ZBTB20: variants seen among roughly 807,000 people sequenced by gnomAD.
The protein encoded by ZBTB20 is zinc finger and BTB domain containing 20.
In ZBTB20, 9 loss-of-function variants were observed where a neutral mutation model predicts 56.9. The observed-to-expected ratio is 0.16, with a 90% CI of 0.10 to 0.28. ZBTB20 has a LOEUF of 0.28. Ranked by LOEUF, ZBTB20 falls within the 10% of genes least tolerant of loss-of-function variation. The pLI, the probability that ZBTB20 is intolerant of heterozygous loss-of-function variation, is 1.00. For synonymous variants in ZBTB20, 417 were observed against 420.7 expected, an observed-to-expected ratio of 0.99 and a Z score of 0.11; for missense variants, 655 against 1,003.0, an observed-to-expected ratio of 0.65 and a Z score of 4.69.
Position 114,930,091 on chromosome 3 carries a change from T to C in ZBTB20, c.-455-29749A>G, listed in dbSNP as rs140924328. Among the ~76,000 whole-genome samples, 1,142 of 152,196 alleles carry C rather than the reference T, an allele frequency of 7.5e-3. 12 individuals carry two copies. Among genetic ancestry groups the C allele is most frequent in the African/African-American group, 0.025 (1,035 of 41,518 alleles). On this transcript the variant is annotated intron_variant, in intron 3 of 11. Coordinates refer to ENST00000675478, the MANE Select transcript of ZBTB20 (RefSeq NM_001348800.3). ...AAGCACAAATAAATCCTGCCTTCCA[T>C]TTAAACAAACAAACAAACAAACAAC...
At chr3:114,785,689 TG>T (rs1271125215) in intron 5 of ZBTB20, among the ~76,000 whole-genome samples, 1 of 152,200 alleles carries the variant, frequency 6.6e-6, no homozygotes, top group Non-Finnish European at 1.5e-5. Context: ...TACAATGTGA[TG>T]GTTATCAAAT....
intron 2 of ZBTB20, among the ~76,000 whole-genome samples, chr3:115,002,181 GA>G (rs1255506800): frequency 6.6e-6 from 1 of 150,814 alleles, no homozygotes; most frequent in Admixed American, 6.6e-5. Flanking sequence ...ACATCCACAT[GA>G]AAAAAAATCT....
intron 5 of ZBTB20, among the ~76,000 whole-genome samples, chr3:114,760,708 T>C (rs1219210379): frequency 6.6e-6 from 1 of 152,210 alleles, no homozygotes; most frequent in African/African-American, 2.4e-5. Context: ...CATAGTAACA[T>C]ACATGTCTTT....
At chr3:114,943,711 G>C (rs577784704) in intron 3 of ZBTB20, among the ~76,000 whole-genome samples, 1 of 145,074 alleles carries the variant, frequency 6.9e-6, no homozygotes, top group Admixed American at 6.6e-5. Context: ...AGAAGCATTA[G>C]AGATATATAG....
rs982922882 is a variant in ZBTB20, at chr3:114,380,437, T to G, written c.12-33A>C. On this transcript the variant is annotated intron_variant, in intron 9 of 11. Coordinates refer to ENST00000675478, the MANE Select transcript of ZBTB20 (RefSeq NM_001348800.3). ...TAAACAAAGGGCCCTTTGAAGGAAC[T>G]GACTGCATATTTGGGAAAAGGCATT... 3 of 1,478,944 alleles carry G rather than the reference T, an allele frequency of 2.0e-6. No individual in the cohort carries two copies. The African/African-American group carries it at 4.3e-5, about 21-fold the overall frequency. The allele number at this position is 1,478,944 out of a possible 1,614,324, so 91.6% of individuals were successfully genotyped here. A position where few individuals can be genotyped will look rare whatever the true frequency, so the allele number is the denominator to read the frequency against.
intron 2 of ZBTB20, among the ~76,000 whole-genome samples, chr3:115,042,351 A>G (rs1205872491): frequency 6.6e-6 from 1 of 152,228 alleles, no homozygotes; most frequent in East Asian, 1.9e-4. Context: ...GTTAAGGTCC[A>G]TACGTAAAAT....
chr3:114,827,526 G>C (rs1172220063), intron 4 of ZBTB20, among the ~76,000 whole-genome samples: 4 of 151,830 alleles, frequency 2.6e-5, no homozygotes, highest in Non-Finnish European at 4.4e-5. Context: ...GTAGGTCTTA[G>C]CGCTTAAGCA....
chr3:114,888,223 G>A (rs975840370), intron 4 of ZBTB20, among the ~76,000 whole-genome samples: 1 of 151,940 alleles, frequency 6.6e-6, no homozygotes, highest in Non-Finnish European at 1.5e-5. Flanking sequence ...TTTGAGACCA[G>A]CATGGGCAAC....
intron 6 of ZBTB20, among the ~76,000 whole-genome samples, chr3:114,543,522 T>C (rs1339979056): frequency 1.3e-5 from 2 of 152,210 alleles, no homozygotes; most frequent in Admixed American, 6.5e-5. Context: ...TGCTGTGATA[T>C]GCACCAAGTT....
chr3:114,552,421 TCTTC>T (rs1436201444), intron 6 of ZBTB20, among the ~76,000 whole-genome samples: 1 of 150,550 alleles, frequency 6.6e-6, no homozygotes, highest in Non-Finnish European at 1.5e-5. Context: ...TTTACTTGAC[TCTTC>T]CTGTTTTTTT....
intron 4 of ZBTB20, among the ~76,000 whole-genome samples, chr3:114,826,662 G>A (rs1388804007): frequency 6.6e-6 from 1 of 151,572 alleles, no homozygotes; most frequent in African/African-American, 2.4e-5. Context: ...GTGGCACAGT[G>A]TTTCAAGAAT....
intron 3 of ZBTB20, among the ~76,000 whole-genome samples, chr3:114,907,480 C>T (rs2107692894): frequency 6.6e-6 from 1 of 151,916 alleles, no homozygotes; most frequent in African/African-American, 2.4e-5. Context: ...AGATGCACCG[C>T]ATAACAAAAG....
At chr3:114,412,409 G>A (rs1335439925) in intron 7 of ZBTB20, among the ~76,000 whole-genome samples, 1 of 152,042 alleles carries the variant, frequency 6.6e-6, no homozygotes, top group African/African-American at 2.4e-5. Context: ...AATAGGATTG[G>A]AAACAAAGCA....
intron 7 of ZBTB20, among the ~76,000 whole-genome samples, chr3:114,455,055 G>C (rs1374946344): frequency 6.9e-6 from 1 of 144,190 alleles, no homozygotes; most frequent in Non-Finnish European, 1.5e-5. Flanking sequence ...AGAGAGAGAG[G>C]GGGGGGAGAG....
In ZBTB20 at chr3:115,022,494, C is replaced by T. The variant is rs555075919; in HGVS notation, c.-506-48078G>A. On this transcript the variant is annotated intron_variant, in intron 2 of 11. Coordinates refer to ENST00000675478, the MANE Select transcript of ZBTB20 (RefSeq NM_001348800.3). Reference sequence around the variant, plus strand: ...GACAACTGCTCTTTAATTTTCGTTGCTTTTTAGAAATAGTCAAGAGTAACT... The same window carrying T: ...GACAACTGCTCTTTAATTTTCGTTGTTTTTTAGAAATAGTCAAGAGTAACT... Among the ~76,000 whole-genome samples the T allele has an allele frequency of 1.6e-3, 235 of 151,044 alleles. 1 individual carries two copies. Among genetic ancestry groups the T allele is most frequent in the Non-Finnish European group, 2.3e-3 (158 of 67,266 alleles).
At chr3:114,485,125 GA>G (rs2041977807) in intron 7 of ZBTB20, among the ~76,000 whole-genome samples, 1 of 152,164 alleles carries the variant, frequency 6.6e-6, no homozygotes, top group Admixed American at 6.5e-5. Context: ...ATGCTGGTCT[GA>G]AAGTCAATGC....
At chr3:115,057,823 T>G (rs1447196767) in intron 2 of ZBTB20, among the ~76,000 whole-genome samples, 1 of 152,200 alleles carries the variant, frequency 6.6e-6, no homozygotes, top group Non-Finnish European at 1.5e-5. Flanking sequence ...TTCAGCATTT[T>G]AAAGATGTCT....
intron 1 of ZBTB20, among the ~76,000 whole-genome samples, chr3:115,133,310 C>T (rs939758792): frequency 6.6e-6 from 1 of 152,172 alleles, no homozygotes; most frequent in Non-Finnish European, 1.5e-5. Flanking sequence ...TTTCATCTTC[C>T]AGTTTTTTCT....
intron 1 of ZBTB20, among the ~76,000 whole-genome samples, chr3:115,076,322 AT>A (rs2082591940): frequency 6.6e-6 from 1 of 152,318 alleles, no homozygotes; most frequent in African/African-American, 2.4e-5. Flanking sequence ...CAAAACAAAA[AT>A]AATCAAAACA....
Sources: gnomAD v4.1 joint callset for allele counts (sites outside exome capture counted in the v4.1 genomes callset) on GRCh38, gnomAD v4.1.1 for gene constraint, MANE v1.5 for transcripts, NCBI Gene and HGNC (gene_info 2026-07-23, HGNC 2026-07-21) for gene names.